The following MLIP variants were observed in gnomAD, a reference collection of about 807,000 sequenced individuals.
MLIP encodes the protein muscular LMNA interacting protein.
In MLIP, 79 loss-of-function variants were observed where a neutral mutation model predicts 84.8. That is an observed-to-expected ratio of 0.93 (90% CI 0.78 to 1.12). MLIP has a LOEUF of 1.12. MLIP is among the 50% of genes most tolerant of loss of function. MLIP has a pLI of 0.00. For missense variants in MLIP, 1,257 were observed against 1,160.6 expected (o/e 1.08, Z -1.21); for synonymous variants, 504 against 463.0 (o/e 1.09, Z -1.14).
intron 2 of MLIP, 35 bp from the exon 3 acceptor site, chr6:54,124,438 A>C (rs1770726971): frequency 6.4e-6 from 10 of 1,555,690 alleles, no homozygotes; most frequent in Non-Finnish European, 8.7e-6. Context: ...TATTAAACTA[A>C]TGTCAATGCT....
At chr6:54,234,269 A>T (rs1781212920) in intron 12 of MLIP, among the ~76,000 whole-genome samples, 1 of 152,068 alleles carries the variant, frequency 6.6e-6, no homozygotes, top group Non-Finnish European at 1.5e-5. Context: ...GCCTCCGTTT[A>T]CTCATTTTTA....
chr6:54,168,526 G>A (rs1187673777), intron 8 of MLIP, among the ~76,000 whole-genome samples: 1 of 151,746 alleles, frequency 6.6e-6, no homozygotes, highest in Non-Finnish European at 1.5e-5. Flanking sequence ...CTTCCAGAAT[G>A]TGAACTCCTC....
intron 1 of MLIP, chr6:54,083,315 T>C (rs1250176297): frequency 1.7e-6 from 1 of 571,584 alleles, no homozygotes; most frequent in African/African-American, 1.9e-5. Flanking sequence ...GAGTTTCTCT[T>C]AGAACACTGC....
At chr6:54,049,830 T>A (rs1765275780) in intron 1 of MLIP, among the ~76,000 whole-genome samples, 3 of 152,206 alleles carry the variant, frequency 2.0e-5, no homozygotes. Flanking sequence ...GGAATGTCAC[T>A]GTGAAGTAAT....
intron 13 of MLIP, among the ~76,000 whole-genome samples, chr6:54,264,286 T>A (rs1165450281): frequency 6.6e-6 from 1 of 152,098 alleles, no homozygotes; most frequent in African/African-American, 2.4e-5. Context: ...ATCTACATCA[T>A]ATATGCTCAT....
chr6:54,021,863 G>T (rs924843668), intron 1 of MLIP, among the ~76,000 whole-genome samples: 14 of 152,108 alleles, frequency 9.2e-5, no homozygotes, highest in African/African-American at 3.1e-4. Context: ...AACATGAGAA[G>T]AAAAATCAAT....
At position 54,175,208 on chromosome 6, in the gene MLIP, G is replaced by A. The variant is rs373330067; in HGVS notation, c.2544+5636G>A. Among the ~76,000 whole-genome samples the A allele has an allele frequency of 7.9e-5, 12 of 151,646 alleles. No individual in the cohort carries two copies. The South Asian group carries it at 1.3e-3, about 16-fold the overall frequency. ...TCCTCCAGTTTTGTTCCTTTTTCTC[G>A]GGATAGCTTTGGTGATTCTGGGTCT... On this transcript the variant is annotated intron_variant, in intron 9 of 13. Coordinates refer to ENST00000502396, the MANE Select transcript of MLIP (RefSeq NM_001281747.2).
intron 3 of MLIP, among the ~76,000 whole-genome samples, chr6:54,127,667 C>G (rs1771035864): frequency 6.6e-6 from 1 of 151,958 alleles, no homozygotes; most frequent in Non-Finnish European, 1.5e-5. Context: ...AACTTTTTGT[C>G]CCCTACAGTG....
At chr6:54,239,889 A>T (rs1454488035) in intron 12 of MLIP, among the ~76,000 whole-genome samples, 1 of 152,206 alleles carries the variant, frequency 6.6e-6, no homozygotes, top group Non-Finnish European at 1.5e-5. Context: ...AAATATTTTT[A>T]AAATTATATG....
At chr6:54,222,670 G>C (rs1780295825) in intron 11 of MLIP, among the ~76,000 whole-genome samples, 1 of 151,946 alleles carries the variant, frequency 6.6e-6, no homozygotes, top group African/African-American at 2.4e-5. Context: ...CTATAGTTCT[G>C]CAGTGTACAT....
chr6:54,254,083 C>T (rs921252269), intron 12 of MLIP, among the ~76,000 whole-genome samples: 2 of 149,532 alleles, frequency 1.3e-5, no homozygotes, highest in Non-Finnish European at 3.0e-5. Context: ...TTAATCTACT[C>T]TCTGCATAGC....
intron 4 of MLIP, among the ~76,000 whole-genome samples, chr6:54,141,484 T>C (rs1772301161): frequency 6.6e-6 from 1 of 152,064 alleles, no homozygotes; most frequent in Non-Finnish European, 1.5e-5. Flanking sequence ...TTTTTGTATT[T>C]TTAGTAGAGA....
chr6:54,136,098 GA>G (rs1771776372), intron 3 of MLIP, among the ~76,000 whole-genome samples: 1 of 152,098 alleles, frequency 6.6e-6, no homozygotes, highest in Non-Finnish European at 1.5e-5. Context: ...AAATAATTAG[GA>G]AAAATAAGCT....
At chr6:54,117,307 C>T (rs1770014539) in intron 1 of MLIP, among the ~76,000 whole-genome samples, 2 of 151,024 alleles carry the variant, frequency 1.3e-5, no homozygotes, top group South Asian at 4.2e-4. Context: ...CTCTGCCTCC[C>T]AGGTTCATGC....
chr6:54,162,095 GTATT>G (rs1348426751), intron 8 of MLIP, among the ~76,000 whole-genome samples: 2 of 151,884 alleles, frequency 1.3e-5, no homozygotes, highest in Non-Finnish European at 2.9e-5. Flanking sequence ...CATTCAACAG[GTATT>G]TATTAAGCAC....
chr6:54,222,958 A>T (rs1430843565), intron 11 of MLIP, among the ~76,000 whole-genome samples: 2 of 151,966 alleles, frequency 1.3e-5, no homozygotes, highest in Non-Finnish European at 2.9e-5. Context: ...TTCCCTGATG[A>T]CTAGTGATGT....
chr6:54,201,928 T>C (rs1778709849), intron 10 of MLIP, among the ~76,000 whole-genome samples, 177 bp from the exon 11 acceptor site: 1 of 152,248 alleles, frequency 6.6e-6, no homozygotes, highest in Non-Finnish European at 1.5e-5. Flanking sequence ...ACTAAACTTA[T>C]ATTAGTTAAA....
At chr6:54,203,307 G>A (rs574182464) in intron 11 of MLIP, among the ~76,000 whole-genome samples, 1 of 152,140 alleles carries the variant, frequency 6.6e-6, no homozygotes, top group Non-Finnish European at 1.5e-5. Context: ...AAATTAATAA[G>A]CAATGTAAGA....
At chr6:54,245,255 G>T (rs1298451689) in intron 12 of MLIP, among the ~76,000 whole-genome samples, 6 of 152,178 alleles carry the variant, frequency 3.9e-5, no homozygotes, top group African/African-American at 1.4e-4. Flanking sequence ...CTTCAGAAAA[G>T]CTTCCTGTAA....
Sources: allele counts gnomAD v4.1 joint callset (sites outside exome capture counted in the v4.1 genomes callset), GRCh38; gene constraint gnomAD v4.1.1; transcripts MANE v1.5; gene names NCBI Gene and HGNC (gene_info 2026-07-23, HGNC 2026-07-21).